The following CNIH3 variants were observed in gnomAD, a reference collection of about 807,000 sequenced individuals.
CNIH3 encodes the protein protein cornichon homolog 3.
Under a neutral mutation model 24.1 loss-of-function variants are expected in CNIH3, and 14 were observed. The observed-to-expected ratio is 0.58, with a 90% confidence interval of 0.38 to 0.91. The LOEUF is 0.91. CNIH3 is among the 40% of genes least tolerant of loss of function. CNIH3 has a pLI of 0.00. For missense variants in CNIH3, 178 were observed against 196.8 expected, an observed-to-expected ratio of 0.90 and a Z score of 0.57; for synonymous variants, 68 against 73.8, an observed-to-expected ratio of 0.92 and a Z score of 0.40.
chr1:224,681,070 G>A (rs772396572), intron 2 of CNIH3, 44 bp downstream of exon 2: 1 of 1,506,548 alleles, frequency 6.6e-7, no homozygotes. Context: ...ATCACCCCAG[G>A]CTACCCAGGG....
intron 3 of CNIH3, chr1:224,719,242 C>T (rs753300355): frequency 6.6e-6 from 1 of 152,256 alleles, no homozygotes; most frequent in Non-Finnish European, 1.5e-5. Context: ...CCTACACCTG[C>T]ACAGCACTGA....
In CNIH3 at chr1:224,704,834, G is replaced by C. The variant is rs1687691822; in HGVS notation, c.198+19991G>C. 6.6e-6 allele frequency among the ~76,000 whole-genome samples: 1 copy of C among 152,086 alleles called. No homozygotes were observed. Among genetic ancestry groups the C allele is most frequent in the African/African-American group, 2.4e-5 (1 of 41,390 alleles). ...AATCAAAAATCACACATTGCACCAG[G>C]CACAGTGGCTCATGCCTGTAATCCC... On this transcript the variant is annotated intron_variant, in intron 3 of 5. Coordinates refer to ENST00000272133, the MANE Select transcript of CNIH3 (RefSeq NM_152495.2). This position sits in a 1 kb window ranked among gnomAD's most constrained non-coding sequence, Gnocchi z 4.2.
intron 4 of CNIH3, among the ~76,000 whole-genome samples, chr1:224,730,903 A>G (rs1335559701): frequency 1.3e-5 from 2 of 152,252 alleles, no homozygotes; most frequent in African/African-American, 4.8e-5. Flanking sequence ...TGGTATATCC[A>G]TACAATGGAA....
intron 1 of CNIH3, among the ~76,000 whole-genome samples, chr1:224,673,580 C>G (rs6676362): frequency 6.6e-6 from 1 of 152,012 alleles, no homozygotes; most frequent in Admixed American, 6.5e-5. Flanking sequence ...AGAGGCTTCC[C>G]TGATCACTTC....
downstream of CNIH3, among the ~76,000 whole-genome samples, chr1:224,592,501 G>C (rs1183339153): frequency 6.6e-6 from 1 of 152,186 alleles, no homozygotes; most frequent in East Asian, 1.9e-4. Context: ...CAGATTTTCA[G>C]CAGAATGCCT....
At chr1:224,506,578 G>A (rs1032932254) in intron 1 of CNIH3, among the ~76,000 whole-genome samples, 5 of 152,170 alleles carry the variant, frequency 3.3e-5, no homozygotes, top group Admixed American at 2.6e-4. Context: ...AGATTGCATC[G>A]TCCCTGTTCT....
upstream of CNIH3, among the ~76,000 whole-genome samples, chr1:224,511,308 A>T (rs181812485): frequency 6.6e-6 from 1 of 152,336 alleles, no homozygotes; most frequent in Non-Finnish European, 1.5e-5. Flanking sequence ...AATAATCTGT[A>T]AAATACTCCT....
intron 1 of CNIH3, among the ~76,000 whole-genome samples, chr1:224,443,139 G>A (rs1674991749): frequency 6.6e-6 from 1 of 152,174 alleles, no homozygotes; most frequent in Admixed American, 6.5e-5. Context: ...CACTAAGCTA[G>A]GCGTTAACTT....
At chr1:224,565,929 C>T (rs920780254) in intron 3 of CNIH3, 2 of 152,132 alleles carry the variant, frequency 1.3e-5, no homozygotes, top group African/African-American at 4.8e-5. Context: ...GCTTCCCTCA[C>T]ACTGAGAAGG....
intron 1 of CNIH3, among the ~76,000 whole-genome samples, chr1:224,621,996 C>G (rs1001870572): frequency 6.6e-6 from 1 of 152,198 alleles, no homozygotes; most frequent in African/African-American, 2.4e-5. Context: ...CACATGCTCT[C>G]TTGCTTGCCG....
chr1:224,689,210 T>C (rs759808683), intron 3 of CNIH3, among the ~76,000 whole-genome samples: 2 of 152,172 alleles, frequency 1.3e-5, no homozygotes, highest in Non-Finnish European at 2.9e-5. Flanking sequence ...AGTGTGTGCC[T>C]CAATGTGACT....
chr1:224,629,494 C>G (rs1354869232), intron 1 of CNIH3, among the ~76,000 whole-genome samples: 1 of 152,168 alleles, frequency 6.6e-6, no homozygotes, highest in East Asian at 1.9e-4. Flanking sequence ...TTGACTCTTT[C>G]TGTCGACAGT....
chr1:224,465,467 CACATA>C (rs1240119466), intron 1 of CNIH3, among the ~76,000 whole-genome samples: 1 of 152,224 alleles, frequency 6.6e-6, no homozygotes, highest in Admixed American at 6.5e-5. Context: ...TATCACTTCA[CACATA>C]ACATAAGTTT....
At position 224,684,782 on chromosome 1, in the gene CNIH3, G is replaced by T. The variant is rs1239377432; in HGVS notation, c.151-14G>T. Reference sequence around the variant, plus strand: ...TAACCTCCCCTCTCATTTCTTTCTTGTGCATCCTGATAGAGGGAACGGTTG... The same window carrying T: ...TAACCTCCCCTCTCATTTCTTTCTTTTGCATCCTGATAGAGGGAACGGTTG... On this transcript the variant is annotated splice_polypyrimidine_tract_variant and intron_variant, in intron 2 of 5. Coordinates refer to ENST00000272133, the MANE Select transcript of CNIH3 (RefSeq NM_152495.2). The surrounding 1 kb of genome is among the most constrained non-coding windows in gnomAD (Gnocchi z 4.2). 2 of 1,613,256 alleles carry T rather than the reference G, an allele frequency of 1.2e-6. No individual in the cohort carries two copies. The highest frequency in any genetic ancestry group is 2.2e-5 in the South Asian group (2 of 91,064).
chr1:224,569,700 C>A (rs758662428), intron 4 of CNIH3, among the ~76,000 whole-genome samples: 1 of 152,156 alleles, frequency 6.6e-6, no homozygotes, highest in Non-Finnish European at 1.5e-5. Context: ...GTCAGACTTT[C>A]AAACTTTTGC....
intron 1 of CNIH3, among the ~76,000 whole-genome samples, chr1:224,474,436 A>G (rs893276289): frequency 2.0e-5 from 3 of 152,050 alleles, no homozygotes; most frequent in Non-Finnish European, 4.4e-5. Context: ...ACAACATACC[A>G]AAAACTATGA....
intron 1 of CNIH3, among the ~76,000 whole-genome samples, chr1:224,663,936 A>T (rs1456799772): frequency 9.2e-5 from 14 of 152,342 alleles, no homozygotes; most frequent in Non-Finnish European, 1.9e-4. Context: ...CTGGTCAAGG[A>T]ACCAAAATCT....
chr1:224,585,168 G>A (rs1681445070), intron 5 of CNIH3, among the ~76,000 whole-genome samples: 4 of 152,106 alleles, frequency 2.6e-5, no homozygotes. Flanking sequence ...ATGCCTCCAA[G>A]CCTTTGCACT....
At chr1:224,659,607 C>T (rs1485248793) in intron 1 of CNIH3, among the ~76,000 whole-genome samples, 3 of 151,942 alleles carry the variant, frequency 2.0e-5, no homozygotes, top group African/African-American at 4.8e-5. Context: ...AAGAAGAAAC[C>T]GGGAAACGAG....
Sources: allele counts gnomAD v4.1 joint callset (sites outside exome capture counted in the v4.1 genomes callset), GRCh38; gene constraint gnomAD v4.1.1; non-coding constraint Gnocchi (gnomAD v3.1); transcripts MANE v1.5; gene names NCBI Gene and HGNC (gene_info 2026-07-23, HGNC 2026-07-21).